Variants in ATRX observed in about 807,000 individuals in gnomAD.
ATRX encodes the protein ATRX chromatin remodeler.
Under a neutral mutation model 172.6 loss-of-function variants are expected in ATRX, and 12 were observed. That is an observed-to-expected ratio of 0.07 (90% CI 0.04 to 0.11). ATRX has a LOEUF of 0.11. Among genes scored for constraint, ATRX ranks in the 10% least tolerant of loss-of-function variants. The pLI, the probability that ATRX is intolerant of heterozygous loss-of-function variation, is 1.00. For missense variants in ATRX, 1,368 were observed against 1,767.4 expected, an observed-to-expected ratio of 0.77 and a Z score of 4.05; for synonymous variants, 674 against 594.7, an observed-to-expected ratio of 1.13 and a Z score of -1.94.
chrX:77,775,727 A>C (rs1479067477), intron 1 of ATRX, among the ~76,000 whole-genome samples: 16 of 106,833 alleles, frequency 1.5e-4, no homozygotes, highest in Admixed American at 4.1e-4. Context: ...TTATTTATTT[A>C]TTTATTTATT....
chrX:77,698,586 G>A lies in ATRX; in HGVS notation c.177C>T (p.Asn59=), dbSNP rs782250182. Residue 59 remains asparagine (N), a synonymous_variant, in exon 3 of 35, where the codon AAC becomes AAT. Transcript: ENST00000373344. The part of the protein sequence containing the change: ...GSGSNSDMME[N]SKEEGTSSSE... ...TAATTATCCTTACCTCTTCCTTGCT[G>A]TTTTCCATCATATCAGAGTTACTTC... 4.1e-6 allele frequency: 5 copies of A among 1,205,235 alleles called. No homozygotes were observed. In the South Asian group the frequency reaches 8.8e-5, roughly 21 times the overall value.
At chrX:77,680,886 C>T (rs1437547329) in intron 9 of ATRX, among the ~76,000 whole-genome samples, 1 of 110,936 alleles carries the variant, frequency 9.0e-6, no homozygotes, top group Non-Finnish European at 1.9e-5. Context: ...TTTTCATTCA[C>T]CAGCTGACCC....
rs1192584628 is a variant in ATRX at position 77,724,466 on chromosome X, A to T, written c.21-7223T>A. Among the ~76,000 whole-genome samples, 5 of 109,545 alleles carry T rather than the reference A, an allele frequency of 4.6e-5. No individual in the cohort carries two copies. The Admixed American group carries it at 4.9e-4, about 11-fold the overall frequency. On this transcript the variant is annotated intron_variant, in intron 1 of 34. Transcript: ENST00000373344. ...AAGCTGGTCTTCAAATTCTGGCCTC[A>T]AACAACCCTACTGCCTCAGCCTCCC...
intron 28 of ATRX, among the ~76,000 whole-genome samples, chrX:77,572,124 A>C: frequency 9.0e-6 from 1 of 111,036 alleles, no homozygotes; most frequent in South Asian, 3.8e-4. Context: ...GAGACAGCAT[A>C]ACATCTGTGG....
At chrX:77,717,647 A>G (rs1557166131) in intron 1 of ATRX, among the ~76,000 whole-genome samples, 1 of 110,780 alleles carries the variant, frequency 9.0e-6, no homozygotes, top group African/African-American at 3.3e-5. Context: ...GAATATAAAA[A>G]TATGAGTAAC....
At chrX:77,634,744 A>T (rs1266592597) in intron 16 of ATRX, 41 bp from the exon 17 acceptor site, 3 of 1,100,269 alleles carry the variant, frequency 2.7e-6, no homozygotes, top group Non-Finnish European at 3.8e-6. Flanking sequence ...TAAAGGTCCA[A>T]GTTAAAAACT....
intron 1 of ATRX, among the ~76,000 whole-genome samples, chrX:77,739,832 C>T (rs782672005): frequency 9.2e-6 from 1 of 108,641 alleles, no homozygotes; most frequent in South Asian, 4.0e-4. Context: ...GGTAGATCAC[C>T]TGAGGTCAGG....
chrX:77,601,565 C>G (rs1236881965), intron 22 of ATRX, among the ~76,000 whole-genome samples: 1 of 109,304 alleles, frequency 9.1e-6, no homozygotes, highest in Admixed American at 9.8e-5. Flanking sequence ...AGAATAATTT[C>G]AACAGAATTA....
chrX:77,525,690 A>G (rs919110322), intron 30 of ATRX, among the ~76,000 whole-genome samples: 14 of 112,323 alleles, frequency 1.2e-4, no homozygotes, highest in Non-Finnish European at 5.6e-5. Context: ...TCTTTCAATA[A>G]CATTGGATAA....
intron 1 of ATRX, among the ~76,000 whole-genome samples, chrX:77,777,816 T>A (rs2076410357): frequency 9.0e-6 from 1 of 111,192 alleles, no homozygotes; most frequent in African/African-American, 3.3e-5. Context: ...AATCTGTGCA[T>A]TAAATCCTAC....
chrX:77,743,171 G>A (rs888116261), intron 1 of ATRX, among the ~76,000 whole-genome samples: 1 of 110,989 alleles, frequency 9.0e-6, no homozygotes, highest in Non-Finnish European at 1.9e-5. Flanking sequence ...TATATGACCC[G>A]ACCCTGGGAT....
At chrX:77,627,369 T>A (rs1481517990) in intron 19 of ATRX, among the ~76,000 whole-genome samples, 2 of 112,540 alleles carry the variant, frequency 1.8e-5, no homozygotes, top group African/African-American at 3.2e-5. Context: ...AATTATAAGA[T>A]AGAAATGTAT....
intron 12 of ATRX, among the ~76,000 whole-genome samples, chrX:77,659,834 C>T (rs1461933944): frequency 1.8e-5 from 2 of 111,164 alleles, no homozygotes; most frequent in Non-Finnish European, 3.8e-5. Flanking sequence ...GATTTTTTCC[C>T]ATCTCTCAAT....
chrX:77,739,496 T>C (rs2074759373), intron 1 of ATRX, among the ~76,000 whole-genome samples: 1 of 105,564 alleles, frequency 9.5e-6, no homozygotes, highest in South Asian at 4.1e-4. Flanking sequence ...ATGAGATCTC[T>C]AGTTATATTT....
rs2064852684 is a variant in ATRX, at chrX:77,557,655, A to C, written c.6505-10T>G. The C allele has an allele frequency of 8.4e-7, 1 of 1,188,351 alleles. No individual in the cohort carries two copies. The highest frequency in any genetic ancestry group is 3.0e-5 in the East Asian group (1 of 33,712). ...TATCTTCCATGGTTCCCTTTGTAAA[A>C]AGAAGGAAGAATATACAAAAAAATA... is the stretch of plus-strand genomic sequence containing the variant. On this transcript the variant is annotated splice_polypyrimidine_tract_variant and intron_variant, in intron 29 of 34. Coordinates refer to ENST00000373344, the MANE Select transcript of ATRX (RefSeq NM_000489.6).
chrX:77,524,747 CT>C (rs781866146), intron 30 of ATRX, among the ~76,000 whole-genome samples: 1,802 of 94,931 alleles, frequency 0.019, 25 homozygotes, highest in African/African-American at 0.048. Flanking sequence ...CTTTATAATT[CT>C]TTTTTTTTTT....
intron 22 of ATRX, among the ~76,000 whole-genome samples, chrX:77,613,239 T>G (rs1365335518): frequency 3.6e-5 from 4 of 110,575 alleles, no homozygotes; most frequent in African/African-American, 1.3e-4. Context: ...TTTCTCCACA[T>G]CCTCATAAGC....
At chrX:77,535,825 A>T (rs1307566865) in intron 30 of ATRX, among the ~76,000 whole-genome samples, 1 of 108,135 alleles carries the variant, frequency 9.2e-6, no homozygotes, top group African/African-American at 3.4e-5. Context: ...ACAAGCAATT[A>T]TCTTGGCTCA....
At chrX:77,703,892 T>C (rs1557155376) in intron 2 of ATRX, among the ~76,000 whole-genome samples, 1 of 110,952 alleles carries the variant, frequency 9.0e-6, no homozygotes, top group Non-Finnish European at 1.9e-5. Context: ...GGTTCTTCTC[T>C]GCTAGGCAAG....
Sources: allele counts gnomAD v4.1 joint callset (sites outside exome capture counted in the v4.1 genomes callset), GRCh38; gene constraint gnomAD v4.1.1; transcripts MANE v1.5; gene names NCBI Gene and HGNC (gene_info 2026-07-23, HGNC 2026-07-21).